The following AGAP1 variants were observed in gnomAD, a reference collection of about 807,000 sequenced individuals.
AGAP1 encodes the protein ArfGAP with GTPase domain, ankyrin repeat and PH domain 1.
A neutral mutation model predicts 105.3 loss-of-function variants in AGAP1; 29 were observed. The observed-to-expected ratio is 0.28, with a 90% CI of 0.21 to 0.38. AGAP1 has a LOEUF of 0.38. AGAP1 is among the 10% of genes least tolerant of loss of function. The pLI is 1.00. For missense variants in AGAP1, 998 were observed against 1,165.1 expected (o/e 0.86, Z 2.09); for synonymous variants, 509 against 485.9 (o/e 1.05, Z -0.63).
At position 235,864,315 on chromosome 2, in the gene AGAP1, T is replaced by G. The variant is rs543437045; in HGVS notation, c.1051-19030T>G. ...ATGTGAAGGGGTTCGGCTCACTCTG[T>G]GGCCGGCCTGGAGGCCTGGGTGTGC... On this transcript the variant is annotated intron_variant, in intron 9 of 17. Transcript: ENST00000304032. This position sits in a 1 kb window ranked among gnomAD's most constrained non-coding sequence, Gnocchi z 5.0. 1.3e-5 allele frequency among the ~76,000 whole-genome samples: 2 copies of G among 152,346 alleles called. No homozygotes were observed. The highest frequency in any genetic ancestry group is 4.1e-4 in the South Asian group (2 of 4,826).
Position 235,934,673 on chromosome 2 carries a change from C to G in AGAP1, c.1483+3750C>G, listed in dbSNP as rs980194532. On this transcript the variant is annotated intron_variant, in intron 12 of 17. Coordinates refer to ENST00000304032, the MANE Select transcript of AGAP1 (RefSeq NM_001037131.3). This position sits in a 1 kb window ranked among gnomAD's most constrained non-coding sequence, Gnocchi z 4.9. ...TAAGTTGCCGGTGATATAAGTCCCC[C>G]CTGCCCCCACTTCCTTTTCGAATGT... 6.6e-6 allele frequency among the ~76,000 whole-genome samples: 1 copy of G among 152,064 alleles called. No individual in the cohort carries two copies. The highest frequency in any genetic ancestry group is 2.4e-5 in the African/African-American group (1 of 41,382).
rs1026716628 is a variant in AGAP1, at chr2:236,125,513, A to C, written c.*1391A>C. On this transcript the variant is annotated 3_prime_UTR_variant, in exon 18 of 18. Transcript: ENST00000304032. This position sits in a 1 kb window ranked among gnomAD's most constrained non-coding sequence, Gnocchi z 5.2. ...CACTGGAGTATATTAGAAAGGAAAA[A>C]GAAGGAATGTGGTCTCTCATGATTG... The C allele has an allele frequency of 6.6e-6, 1 of 152,246 alleles. No homozygotes were observed. The highest frequency in any genetic ancestry group is 2.4e-5 in the African/African-American group (1 of 41,472). 9.4% of individuals were successfully genotyped at this position (152,246 alleles called of 1,614,324 possible).
chr2:235,679,519 A>G (rs1356420361), intron 1 of AGAP1, among the ~76,000 whole-genome samples: 1 of 152,240 alleles, frequency 6.6e-6, no homozygotes, highest in Non-Finnish European at 1.5e-5. Flanking sequence ...TTAAAATTAT[A>G]AATGGGGAGA....
At chr2:236,069,264 A>G (rs534390778) in intron 16 of AGAP1, among the ~76,000 whole-genome samples, 36 of 152,216 alleles carry the variant, frequency 2.4e-4, no homozygotes, top group Admixed American at 6.5e-4. Flanking sequence ...ACACGTGACA[A>G]TGCAATGTAA....
At chr2:235,726,924 C>T (rs933292873) in intron 3 of AGAP1, among the ~76,000 whole-genome samples, 5 of 152,152 alleles carry the variant, frequency 3.3e-5, no homozygotes, top group African/African-American at 1.2e-4. Context: ...TTGAGGAGCC[C>T]TCTCCCCCAT....
At position 235,729,301 on chromosome 2, in the gene AGAP1, C is replaced by T. The variant is rs1033883709; in HGVS notation, c.310+11657C>T. ...CAGGTGTGTTTGGGCCGTCTAGAAC[C>T]ATGTGACCTGGCAGCCACTTCAACT... On this transcript the variant is annotated intron_variant, in intron 3 of 17. Coordinates refer to ENST00000304032, the MANE Select transcript of AGAP1 (RefSeq NM_001037131.3). This position sits in a 1 kb window ranked among gnomAD's most constrained non-coding sequence, Gnocchi z 5.0. Among the ~76,000 whole-genome samples the T allele has an allele frequency of 6.6e-6, 1 of 152,154 alleles. No individual in the cohort carries two copies. Among genetic ancestry groups the T allele is most frequent in the Non-Finnish European group, 1.5e-5 (1 of 68,036 alleles).
rs543726803 is a variant in AGAP1, at chr2:235,572,560, C to T, written c.163+77711C>T. On this transcript the variant is annotated intron_variant, in intron 1 of 17. Coordinates refer to ENST00000304032, the MANE Select transcript of AGAP1 (RefSeq NM_001037131.3). ...CCACCCCTGCTCATCATCTCTCTTG[C>T]TGTTTTCATCTCTGAAGTCCCTCCT... Among the ~76,000 whole-genome samples the T allele has an allele frequency of 3.5e-4, 53 of 152,312 alleles. 1 individual carries two copies. The highest frequency in any genetic ancestry group is 3.4e-3 in the Middle Eastern group (1 of 294).
intron 1 of AGAP1, among the ~76,000 whole-genome samples, chr2:235,588,573 T>A (rs181038263): frequency 6.6e-6 from 1 of 152,210 alleles, no homozygotes; most frequent in Non-Finnish European, 1.5e-5. Flanking sequence ...TTCAAAGAGC[T>A]GTTAACAGTC....
intron 16 of AGAP1, among the ~76,000 whole-genome samples, chr2:236,068,925 G>A (rs1472252718): frequency 2.6e-5 from 4 of 151,152 alleles, no homozygotes; most frequent in African/African-American, 4.9e-5. Context: ...TCAGGAGATC[G>A]AGACCATCCT....
At position 235,659,734 on chromosome 2, in the gene AGAP1, A is replaced by T. The variant is rs1947887644; in HGVS notation, c.164-49445A>T. Reference sequence around the variant, plus strand: ...AGTTATTCCAAGTATTCTATTTCTTAATGGATCTTCTAAGCCCTGGATCAA... The same window carrying T: ...AGTTATTCCAAGTATTCTATTTCTTTATGGATCTTCTAAGCCCTGGATCAA... On this transcript the variant is annotated intron_variant, in intron 1 of 17. Transcript: ENST00000304032. The surrounding 1 kb of genome is among the most constrained non-coding windows in gnomAD (Gnocchi z 5.0). Among the ~76,000 whole-genome samples, 1 of 152,220 alleles carries T rather than the reference A, an allele frequency of 6.6e-6. No individual in the cohort carries two copies. Among genetic ancestry groups the T allele is most frequent in the African/African-American group, 2.4e-5 (1 of 41,456 alleles).
intron 12 of AGAP1, among the ~76,000 whole-genome samples, chr2:235,949,120 C>A (rs769634875): frequency 2.8e-4 from 42 of 152,154 alleles, no homozygotes; most frequent in Admixed American, 4.6e-4. Context: ...ATGGCATGAG[C>A]AGATTGGTTT....
At position 235,715,540 on chromosome 2, in the gene AGAP1, A is replaced by G. The variant is rs183484989; in HGVS notation, c.223-2017A>G. 2.3e-3 allele frequency among the ~76,000 whole-genome samples: 352 copies of G among 152,280 alleles called. 4 individuals carry two copies. Among genetic ancestry groups the G allele is most frequent in the East Asian group, 0.02 (102 of 5,180 alleles). On this transcript the variant is annotated intron_variant, in intron 2 of 17. Coordinates refer to ENST00000304032, the MANE Select transcript of AGAP1 (RefSeq NM_001037131.3). ...AGTTCATGGACCTGCTGGGCCTGTT[A>G]GCTGCCAGCAAAGTTGTGTGCGAGG...
rs546825787 is a variant in AGAP1, at chr2:235,726,309, A to AACAGC, written c.310+8674_310+8678dup. ...TGTCCCTTCACTCACAGAGCCCAAC[A>AACAGC]ACAGCACAGCACATGCTGTTGACAC... On this transcript the variant is annotated intron_variant, in intron 3 of 17. Transcript: ENST00000304032. 5.3e-5 allele frequency among the ~76,000 whole-genome samples: 8 copies of AACAGC among 152,332 alleles called. 1 individual carries two copies. The East Asian group carries it at 1.5e-3, about 29-fold the overall frequency.
At chr2:235,812,062 C>T (rs1039212156) in intron 9 of AGAP1, among the ~76,000 whole-genome samples, 2 of 152,214 alleles carry the variant, frequency 1.3e-5, no homozygotes, top group Admixed American at 1.3e-4. Flanking sequence ...GGTGCTGTTT[C>T]TCAGTTCTTT....
chr2:235,635,902 C>T lies in AGAP1; in HGVS notation c.164-73277C>T, dbSNP rs1178176236. On this transcript the variant is annotated intron_variant, in intron 1 of 17. Coordinates refer to ENST00000304032, the MANE Select transcript of AGAP1 (RefSeq NM_001037131.3). This position sits in a 1 kb window ranked among gnomAD's most constrained non-coding sequence, Gnocchi z 5.3. ...GGCTGAGGCAGGTGGATCTTGAGGT[C>T]AGGAGTTCAACACCAGCCTGGCCAA... 1.3e-5 allele frequency among the ~76,000 whole-genome samples: 2 copies of T among 152,030 alleles called. No homozygotes were observed. The highest frequency in any genetic ancestry group is 6.5e-5 in the Admixed American group (1 of 15,272).
Position 235,879,039 on chromosome 2 carries a change from C to G in AGAP1, c.1051-4306C>G, listed in dbSNP as rs2049882884. On this transcript the variant is annotated intron_variant, in intron 9 of 17. Coordinates refer to ENST00000304032, the MANE Select transcript of AGAP1 (RefSeq NM_001037131.3). The surrounding 1 kb of genome is among the most constrained non-coding windows in gnomAD (Gnocchi z 5.0). ...GCAGGTCACCGCCCATCAGTAGGAACAGGAGACTTTGGCAGCCCAGCAGCC... is the reference window on the plus strand; with the variant it reads ...GCAGGTCACCGCCCATCAGTAGGAAGAGGAGACTTTGGCAGCCCAGCAGCC... 6.6e-6 allele frequency among the ~76,000 whole-genome samples: 1 copy of G among 152,312 alleles called. No homozygotes were observed. Among genetic ancestry groups the G allele is most frequent in the African/African-American group, 2.4e-5 (1 of 41,568 alleles).
chr2:235,926,733 C>A (rs2052466567), intron 11 of AGAP1, among the ~76,000 whole-genome samples: 1 of 152,184 alleles, frequency 6.6e-6, no homozygotes, highest in Admixed American at 6.5e-5. Flanking sequence ...TCCTCCTCCG[C>A]ATATTTTTGG....
chr2:236,090,707 T>C lies in AGAP1; in HGVS notation c.2115-29485T>C, dbSNP rs2059036764. On this transcript the variant is annotated intron_variant, in intron 16 of 17. Coordinates refer to ENST00000304032, the MANE Select transcript of AGAP1 (RefSeq NM_001037131.3). This position sits in a 1 kb window ranked among gnomAD's most constrained non-coding sequence, Gnocchi z 4.3. ...ACATAATCCTTCCTTGTTTTTCTTT[T>C]GTTGGTGGTGGTTGTGTTTGTTTTG... is the stretch of plus-strand genomic sequence containing the variant. 6.6e-6 allele frequency among the ~76,000 whole-genome samples: 1 copy of C among 152,050 alleles called. No homozygotes were observed. The highest frequency in any genetic ancestry group is 2.1e-4 in the South Asian group (1 of 4,824).
chr2:236,015,903 C>T (rs1040683385), intron 13 of AGAP1, among the ~76,000 whole-genome samples: 9 of 152,140 alleles, frequency 5.9e-5, no homozygotes, highest in African/African-American at 9.7e-5. Flanking sequence ...TTAAATTGCA[C>T]GTTATTTCTG....
Sources: gnomAD v4.1 joint callset for allele counts (sites outside exome capture counted in the v4.1 genomes callset) on GRCh38, gnomAD v4.1.1 for gene constraint, Gnocchi (gnomAD v3.1) non-coding constraint, MANE v1.5 for transcripts, NCBI Gene and HGNC (gene_info 2026-07-23, HGNC 2026-07-21) for gene names.